The following PCNT variants were observed in gnomAD, a reference collection of about 807,000 sequenced individuals.
The protein encoded by PCNT is pericentrin, also known as kendrin.
Under a neutral mutation model 380.4 loss-of-function variants are expected in PCNT, and 319 were observed. The ratio of observed to expected loss-of-function variants is 0.84; its 90% CI spans 0.77 to 0.92. The LOEUF (loss-of-function observed/expected upper bound fraction) is 0.92. Ranked by LOEUF, PCNT falls within the 40% of genes least tolerant of loss-of-function variation. PCNT has a pLI of 0.00. For missense variants in PCNT, 4,400 were observed against 4,255.3 expected, an observed-to-expected ratio of 1.03 and a Z score of -0.95; for synonymous variants, 1,845 against 1,735.2, an observed-to-expected ratio of 1.06 and a Z score of -1.57.
Position 46,442,502 on chromosome 21 carries a change from G to GT in PCNT, c.9635dup (p.Leu3212PhefsTer3). On this transcript the variant is annotated frameshift_variant, in exon 44 of 47. Coordinates refer to ENST00000359568, the MANE Select transcript of PCNT (RefSeq NM_006031.6). LOFTEE classifies it high-confidence loss of function. ...CTTGTCTCTTTTTTTTGTAGATTAC[G>GT]TTTTTTGGTTAAGAAATGGCAAGAA... The GT allele has an allele frequency of 6.2e-7, 1 of 1,604,396 alleles. No individual in the cohort carries two copies. The highest frequency in any genetic ancestry group is 8.5e-7 in the Non-Finnish European group (1 of 1,171,548).
At chr21:46,405,779 C>G (rs1205696024) in intron 27 of PCNT, among the ~76,000 whole-genome samples, 1 of 152,034 alleles carries the variant, frequency 6.6e-6, no homozygotes, top group Admixed American at 6.6e-5. Flanking sequence ...AGAACTTGAC[C>G]TCTAACTATA....
In PCNT at chr21:46,444,084, C is replaced by T. The variant is rs760330509; in HGVS notation, c.9839+136C>T. On this transcript the variant is annotated intron_variant, in intron 45 of 46. Coordinates refer to ENST00000359568, the MANE Select transcript of PCNT (RefSeq NM_006031.6). ...GGCAGGAAACTCTCCAGCGTGAGTC[C>T]GTGAGGGCCAAGAAGTCCCGCCCTG... is the stretch of plus-strand genomic sequence containing the variant. 100 of 949,662 alleles carry T rather than the reference C, an allele frequency of 1.1e-4. 1 individual carries two copies. The highest frequency in any genetic ancestry group is 2.5e-4 in the African/African-American group (15 of 60,746). 58.8% of individuals were successfully genotyped at this position (949,662 alleles called of 1,614,324 possible). A position where few individuals can be genotyped will look rare whatever the true frequency, so the allele number is the denominator to read the frequency against.
At chr21:46,353,720 G>T (rs1007460407) in intron 10 of PCNT, among the ~76,000 whole-genome samples, 1 of 77,726 alleles carries the variant, frequency 1.3e-5, no homozygotes, top group Non-Finnish European at 3.2e-5. Flanking sequence ...CTCCAGGTGT[G>T]TGTGTGTGTG....
At chr21:46,440,489 C>T (rs766520580) in intron 42 of PCNT, among the ~76,000 whole-genome samples, 11 of 152,236 alleles carry the variant, frequency 7.2e-5, no homozygotes, top group Non-Finnish European at 1.2e-4. Context: ...AGGGGCTTGC[C>T]GGGATTCGGC....
At chr21:46,415,068 C>T (rs139210872) in intron 29 of PCNT, among the ~76,000 whole-genome samples, 4 of 152,350 alleles carry the variant, frequency 2.6e-5, no homozygotes, top group Admixed American at 6.5e-5. Context: ...TCACCCGAGC[C>T]CCTCGCAGCC....
At chr21:46,403,619 G>A (rs1472540887) in intron 27 of PCNT, among the ~76,000 whole-genome samples, 6 of 142,386 alleles carry the variant, frequency 4.2e-5, no homozygotes, top group African/African-American at 7.9e-5. Context: ...AGAATCGTGT[G>A]TGTGTGGTGC....
At chr21:46,347,306 T>TA in intron 5 of PCNT, 151 bp from the exon 6 acceptor site, 1 of 815,182 alleles carries the variant, frequency 1.2e-6, no homozygotes, top group Middle Eastern at 2.5e-4. Context: ...AGTTTGTTAT[T>TA]AAAGCCAAGC....
intron 40 of PCNT, among the ~76,000 whole-genome samples, 154 bp from the exon 41 acceptor site, chr21:46,438,010 T>G (rs2053508920): frequency 6.6e-6 from 1 of 152,248 alleles, no homozygotes; most frequent in Admixed American, 6.5e-5. Context: ...TGTGATTCAA[T>G]GACTTTTACA....
rs755388467 is a variant in PCNT, at chr21:46,363,892, T to G, written c.2567T>G (p.Val856Gly). The G allele has an allele frequency of 1.3e-5, 21 of 1,611,636 alleles. No homozygotes were observed. The South Asian group carries it at 2.3e-4, about 18-fold the overall frequency. ...GACGGGGAGCTTGCTGCGCTCCACG[T>G]GAAGGAAGACTGCGCCCTGCAGCTG... ...AQDGELAALH[V>G]KEDCALQLML... The change falls in exon 14 of 47, where the codon GTG (valine) becomes GGG (glycine). Residue 856 changes from valine to glycine, a missense_variant. Val to Gly is a moderately radical substitution (Grantham distance 109, BLOSUM62 -3). Transcript: ENST00000359568.
chr21:46,430,070 C>T lies in PCNT; in HGVS notation c.7751C>T (p.Thr2584Met), dbSNP rs2087685515. The T allele has an allele frequency of 6.2e-6, 10 of 1,614,092 alleles. No homozygotes were observed. The highest frequency in any genetic ancestry group is 1.3e-5 in the African/African-American group (1 of 74,926). The stretch of plus-strand genomic sequence containing the variant: ...TGCATTGCTGGTGACTTGCAGAAGA[C>T]GCTGAGTGAAGAGCAAGAGAAGGCA... ...EKCIAGDLQK[T>M]LSEEQEKANS... The change falls in exon 36 of 47, where the codon ACG becomes ATG. Residue 2584 changes from threonine (T) to methionine (M), a missense_variant. Thr to Met is a moderately conservative substitution (Grantham distance 81, BLOSUM62 -1). Coordinates refer to ENST00000359568, the MANE Select transcript of PCNT (RefSeq NM_006031.6).
chr21:46,415,452 C>T (rs1470244991), intron 29 of PCNT, among the ~76,000 whole-genome samples: 1 of 120,468 alleles, frequency 8.3e-6, no homozygotes, highest in African/African-American at 3.2e-5. Flanking sequence ...ATCTTGAGAT[C>T]TTGGCTCACT....
chr21:46,351,584 C>T (rs376868866), intron 9 of PCNT, 44 bp downstream of exon 9: 2 of 1,158,490 alleles, frequency 1.7e-6, no homozygotes, highest in African/African-American at 3.0e-5. Flanking sequence ...AAAGCTGAAG[C>T]TGTGTGTTTT....
intron 27 of PCNT, among the ~76,000 whole-genome samples, chr21:46,410,572 T>A (rs1217203276): frequency 6.6e-6 from 1 of 152,258 alleles, no homozygotes; most frequent in Non-Finnish European, 1.5e-5. Context: ...GAAAGATGTT[T>A]AATATCTCAG....
Position 46,436,078 on chromosome 21 carries a change from G to C in PCNT, c.8926G>C (p.Glu2976Gln). The change falls in exon 39 of 47, where the codon GAG becomes CAG. Residue 2976 changes from glutamate (E) to glutamine (Q), a missense_variant. Glu to Gln is a conservative substitution (Grantham distance 29). Transcript: ENST00000359568. ...CCTCCGGGAACAGCAGCGAGAGCTG[G>C]AGGCGATGAGGCAGCGGCTGCTCTC... ...DHLREQQREL[E>Q]AMRQRLLSAA... 6.2e-7 allele frequency: 1 copy of C among 1,612,886 alleles called. No homozygotes were observed. The highest frequency in any genetic ancestry group is 8.5e-7 in the Non-Finnish European group (1 of 1,179,938).
chr21:46,419,417 ACT>A (rs1464211028), intron 31 of PCNT, among the ~76,000 whole-genome samples: 2 of 151,620 alleles, frequency 1.3e-5, no homozygotes, highest in South Asian at 2.1e-4. Context: ...TTATTTTCAA[ACT>A]CTATTTGCTG....
At chr21:46,413,757 A>C (rs1223469999) in intron 29 of PCNT, among the ~76,000 whole-genome samples, 1 of 151,630 alleles carries the variant, frequency 6.6e-6, no homozygotes, top group African/African-American at 2.4e-5. Flanking sequence ...TGTTCACCTC[A>C]CTCCATATTG....
At chr21:46,413,131 GCA>G (rs2086854851) in intron 29 of PCNT, 139 bp downstream of exon 29, 1 of 505,322 alleles carries the variant, frequency 2.0e-6, no homozygotes. Context: ...AGCGGGGAAG[GCA>G]CGAGGCCCAC....
chr21:46,324,543 G>T (rs1398790012), intron 1 of PCNT, among the ~76,000 whole-genome samples: 1 of 108,600 alleles, frequency 9.2e-6, no homozygotes, highest in Non-Finnish European at 2.0e-5. Flanking sequence ...GGGCGGGCCG[G>T]GGCGGGGCTG....
rs927197233 is a variant in PCNT at position 46,330,788 on chromosome 21, A to C, written c.268-3609A>C. Among the ~76,000 whole-genome samples, 13 of 152,254 alleles carry C rather than the reference A, an allele frequency of 8.5e-5. No homozygotes were observed. The East Asian group carries it at 2.5e-3, about 29-fold the overall frequency. ...AAAGAGTCCACTGTTTAAAGCTAGC[A>C]GCTGGTGGCCGTGTGGCCGAATAAT... On this transcript the variant is annotated intron_variant, in intron 2 of 46. Coordinates refer to ENST00000359568, the MANE Select transcript of PCNT (RefSeq NM_006031.6).
Sources: gnomAD v4.1 joint callset for allele counts (sites outside exome capture counted in the v4.1 genomes callset) on GRCh38, gnomAD v4.1.1 for gene constraint, MANE v1.5 for transcripts, NCBI Gene and HGNC (gene_info 2026-07-23, HGNC 2026-07-21) for gene names.